The following OSBP2 variants were observed in gnomAD, a reference collection of about 807,000 sequenced individuals.
OSBP2 encodes the protein oxysterol binding protein 2, also known as oxysterol-binding protein 2.
OSBP2 carries 66 observed loss-of-function variants against 96.0 expected under a neutral mutation model. The observed-to-expected ratio is 0.69, with a 90% CI of 0.56 to 0.84. The LOEUF is 0.84. OSBP2 is among the 40% of genes least tolerant of loss of function. OSBP2 has a pLI of 0.00. For synonymous variants in OSBP2, 525 were observed against 520.9 expected (o/e 1.01, Z -0.11); for missense variants, 1,038 against 1,222.7 (o/e 0.85, Z 2.25).
At chr22:30,773,771 C>G (rs1403981185) in intron 2 of OSBP2, among the ~76,000 whole-genome samples, 1 of 152,010 alleles carries the variant, frequency 6.6e-6, no homozygotes, top group African/African-American at 2.4e-5. Flanking sequence ...CCTCACAGAG[C>G]CATCTTGGAA....
chr22:30,699,826 T>G (rs549570437), intron 1 of OSBP2, among the ~76,000 whole-genome samples: 1 of 152,316 alleles, frequency 6.6e-6, no homozygotes, highest in African/African-American at 2.4e-5. Context: ...TTCATATTAT[T>G]AAGAATTTTT....
chr22:30,774,733 C>T (rs1233678162), intron 2 of OSBP2, among the ~76,000 whole-genome samples: 1 of 152,158 alleles, frequency 6.6e-6, no homozygotes, highest in Non-Finnish European at 1.5e-5. Context: ...ACTCATTAAA[C>T]TTGACAATAT....
At chr22:30,789,529 C>G (rs933932141) in intron 2 of OSBP2, among the ~76,000 whole-genome samples, 7 of 152,144 alleles carry the variant, frequency 4.6e-5, no homozygotes, top group Admixed American at 4.6e-4. Flanking sequence ...ACCCCATAAA[C>G]TCAGATACTT....
rs2039697939 is a variant in OSBP2, at chr22:30,881,336, G to T, written c.1108-6090G>T. On this transcript the variant is annotated intron_variant, in intron 3 of 13. Coordinates refer to ENST00000332585, the MANE Select transcript of OSBP2 (RefSeq NM_030758.4). The surrounding 1 kb of genome is among the most constrained non-coding windows in gnomAD (Gnocchi z 4.5). ...CCAGGAGGGCGCCAGGAGATTACAG[G>T]CCTGTCCCAGGATTGGGCAGTGGGG... Among the ~76,000 whole-genome samples, 2 of 152,182 alleles carry T rather than the reference G, an allele frequency of 1.3e-5. No individual in the cohort carries two copies. Among genetic ancestry groups the T allele is most frequent in the African/African-American group, 4.8e-5 (2 of 41,444 alleles).
At chr22:30,694,283 G>A (rs1392095648), upstream of OSBP2, 7 of 1,549,696 alleles carry the variant, frequency 4.5e-6, no homozygotes, top group African/African-American at 1.4e-5. Flanking sequence ...AGGAGGTGGA[G>A]GCGGTGAGGC....
At chr22:30,877,060 A>T (rs1244427902) in intron 3 of OSBP2, among the ~76,000 whole-genome samples, 2 of 152,102 alleles carry the variant, frequency 1.3e-5, no homozygotes, top group African/African-American at 4.8e-5. Context: ...TCCTTCCTGC[A>T]AGGGCAGGAC....
upstream of OSBP2, chr22:30,693,925 A>G (rs571997909): frequency 1.3e-6 from 1 of 750,936 alleles, no homozygotes; most frequent in East Asian, 2.7e-5. Flanking sequence ...AGATCACGCC[A>G]CTGCATTCCA....
upstream of OSBP2, chr22:30,694,299 C>CT (rs1456640962): frequency 6.5e-7 from 1 of 1,549,322 alleles, no homozygotes; most frequent in East Asian, 2.4e-5. Flanking sequence ...GAGGCGGCCA[C>CT]TTGGGGCCAC....
chr22:30,699,212 T>C lies in OSBP2; in HGVS notation c.644+3659T>C, dbSNP rs192353317. On this transcript the variant is annotated intron_variant, in intron 1 of 13. Coordinates refer to ENST00000332585, the MANE Select transcript of OSBP2 (RefSeq NM_030758.4). ...CACCCCCTTCAGCCTCCCAAACTGC[T>C]GAGATTACAGGCATGAGCCACTGTG... Among the ~76,000 whole-genome samples the C allele has an allele frequency of 4.8e-3, 728 of 152,314 alleles. 2 individuals carry two copies. Among genetic ancestry groups the C allele is most frequent in the Non-Finnish European group, 8.5e-3 (580 of 68,024 alleles).
chr22:30,859,196 C>T (rs143601560), intron 2 of OSBP2, among the ~76,000 whole-genome samples: 1 of 152,302 alleles, frequency 6.6e-6, no homozygotes, highest in East Asian at 1.9e-4. Flanking sequence ...GCCGCGCTGG[C>T]TGTCTCCAGG....
At chr22:30,889,943 T>C (rs1348754172) in intron 7 of OSBP2, among the ~76,000 whole-genome samples, 3 of 152,104 alleles carry the variant, frequency 2.0e-5, no homozygotes, top group African/African-American at 7.2e-5. Flanking sequence ...TGTCCCGATC[T>C]GTAGATGGGG....
At chr22:30,898,356 AAAT>A (rs58323229) in intron 12 of OSBP2, among the ~76,000 whole-genome samples, 14,434 of 152,108 alleles carry the variant, frequency 0.095, 946 homozygotes, top group Non-Finnish European at 0.14. Context: ...CTGTCTCAAA[AAAT>A]AATAATAATT....
chr22:30,906,490 TG>T lies in OSBP2; in HGVS notation c.*154del. The T allele has an allele frequency of 1.1e-6, 1 of 943,044 alleles. No homozygotes were observed. The highest frequency in any genetic ancestry group is 3.0e-5 in the East Asian group (1 of 33,516). The allele number at this position is 943,044 out of a possible 1,614,324, so 58.4% of individuals were successfully genotyped here. A position where few individuals can be genotyped will look rare whatever the true frequency, so the allele number is the denominator to read the frequency against. ...TTTTTTTTTTCTCCCCACACTTTCT[TG>T]GGACTCCCACCTTGGAAGGAGGAAG... On this transcript the variant is annotated 3_prime_UTR_variant, in exon 14 of 14. Coordinates refer to ENST00000332585, the MANE Select transcript of OSBP2 (RefSeq NM_030758.4).
Position 30,769,519 on chromosome 22 carries a change from C to T in OSBP2, c.853+28150C>T, listed in dbSNP as rs145132241. On this transcript the variant is annotated intron_variant, in intron 2 of 13. Transcript: ENST00000332585. ...CAAAAATTAGCTGGGTGTGGTGGCA[C>T]GCACCTGTAGTCCCAGCTACTCGGG... Among the ~76,000 whole-genome samples the T allele has an allele frequency of 1.7e-3, 256 of 152,018 alleles. 4 individuals carry two copies. In the East Asian group the frequency reaches 0.039, roughly 23 times the overall value.
chr22:30,797,201 G>A (rs136284), intron 2 of OSBP2, among the ~76,000 whole-genome samples: 28,047 of 152,158 alleles, frequency 0.18, 2,671 homozygotes, highest in Middle Eastern at 0.23. Context: ...AGGCTAACCA[G>A]TATTCCACTG....
At chr22:30,822,811 A>G in intron 2 of OSBP2, 1 of 999,484 alleles carries the variant, frequency 1.0e-6, no homozygotes, top group Non-Finnish European at 1.4e-6. Context: ...GGAGCCTCTG[A>G]TGTCACTCCC....
chr22:30,805,766 G>T (rs1019374070), intron 2 of OSBP2, among the ~76,000 whole-genome samples: 9 of 152,282 alleles, frequency 5.9e-5, no homozygotes, highest in Middle Eastern at 3.4e-3. Flanking sequence ...CTTTTCTTGG[G>T]TCTGTTGTCA....
At chr22:30,732,433 C>T (rs749773041) in intron 1 of OSBP2, among the ~76,000 whole-genome samples, 2 of 152,082 alleles carry the variant, frequency 1.3e-5, no homozygotes, top group Non-Finnish European at 2.9e-5. Flanking sequence ...GATCAGTGAC[C>T]CCTGGCGGTA....
intron 2 of OSBP2, among the ~76,000 whole-genome samples, chr22:30,857,342 C>G (rs1322008725): frequency 2.6e-5 from 4 of 152,168 alleles, no homozygotes; most frequent in African/African-American, 9.7e-5. Flanking sequence ...CAGGAGCAAA[C>G]ACCGAGGCCC....
Sources: allele counts gnomAD v4.1 joint callset (sites outside exome capture counted in the v4.1 genomes callset), GRCh38; gene constraint gnomAD v4.1.1; non-coding constraint Gnocchi (gnomAD v3.1); transcripts MANE v1.5; gene names NCBI Gene and HGNC (gene_info 2026-07-23, HGNC 2026-07-21).